Variants in OMA1 observed in about 807,000 individuals in gnomAD.
The protein encoded by OMA1 is metalloendopeptidase OMA1, mitochondrial.
A neutral mutation model predicts 30.9 loss-of-function variants in OMA1; 38 were observed. The ratio of observed to expected loss-of-function variants is 1.23; its 90% CI spans 0.95 to 1.61. The LOEUF is 1.61. Ranked by LOEUF, OMA1 falls within the 40% of genes most tolerant of loss-of-function variation. The pLI, the probability that OMA1 is intolerant of heterozygous loss-of-function variation, is 0.00. For missense variants in OMA1, 461 were observed against 349.2 expected (o/e 1.32, Z -2.55); for synonymous variants, 173 against 121.9 (o/e 1.42, Z -2.76).
At chr1:58,502,739 C>T (rs896804274) in intron 8 of OMA1, among the ~76,000 whole-genome samples, 3 of 152,200 alleles carry the variant, frequency 2.0e-5, no homozygotes, top group Admixed American at 6.5e-5. Flanking sequence ...TGAGTTATGA[C>T]TGTATATTCT....
chr1:58,494,611 T>C (rs971622565), intron 8 of OMA1, among the ~76,000 whole-genome samples: 4 of 152,096 alleles, frequency 2.6e-5, no homozygotes, highest in African/African-American at 7.2e-5. Context: ...GGGTGAAGGA[T>C]ATGAACAGAC....
At chr1:58,518,818 C>T (rs920448133) in intron 7 of OMA1, among the ~76,000 whole-genome samples, 5 of 152,048 alleles carry the variant, frequency 3.3e-5, no homozygotes, top group Non-Finnish European at 7.4e-5. Context: ...GCAGACAGTC[C>T]TTTTAAGATA....
chr1:58,487,118 C>T (rs1448170439), intron 8 of OMA1, among the ~76,000 whole-genome samples: 1 of 152,160 alleles, frequency 6.6e-6, no homozygotes, highest in Non-Finnish European at 1.5e-5. Context: ...AAAGTGACAA[C>T]AGGAAATGAC....
intron 8 of OMA1, among the ~76,000 whole-genome samples, chr1:58,505,522 T>C (rs1569909189): frequency 6.6e-6 from 1 of 152,106 alleles, no homozygotes; most frequent in African/African-American, 2.4e-5. Context: ...GACCCACTTA[T>C]GAATTCTACA....
At chr1:58,531,866 G>A (rs12077766) in intron 5 of OMA1, among the ~76,000 whole-genome samples, 22,958 of 151,802 alleles carry the variant, frequency 0.15, 1,818 homozygotes, top group Middle Eastern at 0.23. Context: ...CCACCACCAT[G>A]CTCAGCTATT....
rs1645526769 is a variant in OMA1, at chr1:58,483,675, CAG to C, written c.1366-2503_1366-2502del. 2.6e-5 allele frequency among the ~76,000 whole-genome samples: 4 copies of C among 152,088 alleles called. No homozygotes were observed. The South Asian group carries it at 8.3e-4, about 32-fold the overall frequency. On this transcript the variant is annotated intron_variant, in intron 8 of 8. Coordinates refer to ENST00000371226, the MANE Select transcript of OMA1 (RefSeq NM_145243.5). ...ATAGCACTTACAGCACTTAAGTAAA[CAG>C]AAAGTCAGATCCTCAGCTAAACGGT... is the stretch of plus-strand genomic sequence containing the variant.
At chr1:58,537,296 C>A (rs1646533397) in intron 2 of OMA1, among the ~76,000 whole-genome samples, 1 of 152,128 alleles carries the variant, frequency 6.6e-6, no homozygotes, top group Admixed American at 6.5e-5. Flanking sequence ...TAAATCTATA[C>A]CTGGAACCAC....
intron 8 of OMA1, among the ~76,000 whole-genome samples, chr1:58,487,883 A>G (rs999233528): frequency 1.3e-5 from 2 of 151,964 alleles, no homozygotes; most frequent in African/African-American, 4.8e-5. Context: ...CAAATATTTC[A>G]GTTTTCTTGC....
At chr1:58,514,421 T>G (rs1302446233) in intron 7 of OMA1, among the ~76,000 whole-genome samples, 4 of 152,192 alleles carry the variant, frequency 2.6e-5, no homozygotes, top group Non-Finnish European at 4.4e-5. Flanking sequence ...TAGCCAACGT[T>G]TTCATTAGAA....
At chr1:58,484,860 T>C (rs1415776279) in intron 8 of OMA1, among the ~76,000 whole-genome samples, 1 of 151,884 alleles carries the variant, frequency 6.6e-6, no homozygotes, top group Admixed American at 6.6e-5. Context: ...AAGGCACAAC[T>C]ATGGAGACAG....
intron 5 of OMA1, among the ~76,000 whole-genome samples, chr1:58,532,713 A>G (rs1409763435): frequency 2.0e-5 from 3 of 151,926 alleles, no homozygotes; most frequent in Non-Finnish European, 4.4e-5. Flanking sequence ...ATTTTTCTGT[A>G]CAGACTGAGT....
chr1:58,496,317 T>C (rs1645801515), intron 8 of OMA1, among the ~76,000 whole-genome samples: 1 of 152,182 alleles, frequency 6.6e-6, no homozygotes, highest in Non-Finnish European at 1.5e-5. Flanking sequence ...TTCACAAGTT[T>C]AACAATTTTC....
Position 58,533,172 on chromosome 1 carries a change from T to C in OMA1, c.1011+781A>G, listed in dbSNP as rs183903190. On this transcript the variant is annotated intron_variant, in intron 5 of 8. Transcript: ENST00000371226. ...ATGTGTTATTTTTCCTGGACTTATA[T>C]CAAGATGAACAGACATGTATTCACA... is the stretch of plus-strand genomic sequence containing the variant. 4.6e-3 allele frequency among the ~76,000 whole-genome samples: 700 copies of C among 152,322 alleles called. 3 individuals carry two copies. Among genetic ancestry groups the C allele is most frequent in the Non-Finnish European group, 7.1e-3 (484 of 68,024 alleles).
chr1:58,538,659 CAG>C, intron 2 of OMA1, 134 bp downstream of exon 2: 1 of 498,480 alleles, frequency 2.0e-6, no homozygotes, highest in Non-Finnish European at 3.5e-6. Context: ...TGGGGGGAGA[CAG>C]GGGATCTGGC....
chr1:58,527,398 C>T, intron 6 of OMA1, 63 bp from the exon 7 acceptor site: 1 of 811,064 alleles, frequency 1.2e-6, no homozygotes, highest in Non-Finnish European at 2.2e-6. Flanking sequence ...AGGAGTAACA[C>T]AGAGAGATTT....
intron 5 of OMA1, among the ~76,000 whole-genome samples, chr1:58,532,822 A>G (rs1315495072): frequency 1.3e-5 from 2 of 152,242 alleles, no homozygotes; most frequent in African/African-American, 4.8e-5. Flanking sequence ...CACTGCACCC[A>G]GTCAAGAAAA....
chr1:58,482,169 G>A (rs1645497844), intron 8 of OMA1, among the ~76,000 whole-genome samples: 1 of 152,194 alleles, frequency 6.6e-6, no homozygotes, highest in Non-Finnish European at 1.5e-5. Context: ...GAAGGGGAGA[G>A]CTGCATGTGT....
At chr1:58,501,547 TTTC>T (rs1645906512) in intron 8 of OMA1, among the ~76,000 whole-genome samples, 2 of 152,244 alleles carry the variant, frequency 1.3e-5, no homozygotes, top group Non-Finnish European at 2.9e-5. Context: ...CCACACTGGT[TTTC>T]TTCTTGTTGC....
chr1:58,489,748 C>T (rs1645644432), intron 8 of OMA1, among the ~76,000 whole-genome samples: 1 of 152,170 alleles, frequency 6.6e-6, no homozygotes, highest in Non-Finnish European at 1.5e-5. Context: ...ACAAAACTTC[C>T]AGAGGAATGA....
Sources: gnomAD v4.1 joint callset for allele counts (sites outside exome capture counted in the v4.1 genomes callset) on GRCh38, gnomAD v4.1.1 for gene constraint, MANE v1.5 for transcripts, NCBI Gene and HGNC (gene_info 2026-07-23, HGNC 2026-07-21) for gene names.